The following TEAD1 variants were observed in gnomAD, a reference collection of about 807,000 sequenced individuals.
TEAD1 encodes the protein TEA domain transcription factor 1.
Under a neutral mutation model 54.9 loss-of-function variants are expected in TEAD1, and 9 were observed. The observed-to-expected ratio is 0.16, with a 90% CI of 0.10 to 0.29. The LOEUF is 0.29. Ranked by LOEUF, TEAD1 falls within the 10% of genes least tolerant of loss-of-function variation. The pLI is 1.00. For missense variants in TEAD1, 387 were observed against 535.9 expected (o/e 0.72, Z 2.74); for synonymous variants, 200 against 187.8 (o/e 1.07, Z -0.53).
At chr11:12,728,583 C>T (rs756635787) in intron 2 of TEAD1, among the ~76,000 whole-genome samples, 20 of 152,158 alleles carry the variant, frequency 1.3e-4, no homozygotes, top group Admixed American at 2.0e-4. Context: ...GAGATAGCAT[C>T]TGATACTCAT....
chr11:12,883,118 C>T lies in TEAD1; in HGVS notation c.692C>T (p.Pro231Leu). Residue 231 changes from proline to leucine, a missense_variant, in exon 9 of 13, where the codon CCA (proline) becomes CTA (leucine). Pro to Leu is a moderately conservative substitution (Grantham distance 98). Coordinates refer to ENST00000527636, the MANE Select transcript of TEAD1 (RefSeq NM_021961.6). ...GCTTTTCTCGAGCAGCAGCGAGACCCAGACTCGGTGAGTGTGCCCAGAGAG... is the reference window on the plus strand; with the variant it reads ...GCTTTTCTCGAGCAGCAGCGAGACCTAGACTCGGTGAGTGTGCCCAGAGAG... 6.2e-7 allele frequency: 1 copy of T among 1,614,206 alleles called. No homozygotes were observed. The highest frequency in any genetic ancestry group is 8.5e-7 in the Non-Finnish European group (1 of 1,180,048).
intron 2 of TEAD1, among the ~76,000 whole-genome samples, chr11:12,729,369 G>T (rs1301345262): frequency 6.6e-6 from 1 of 152,194 alleles, no homozygotes; most frequent in African/African-American, 2.4e-5. Flanking sequence ...GTGGATCTGG[G>T]ACAGTGTCTA....
chr11:12,839,190 C>T (rs957399801), intron 3 of TEAD1, among the ~76,000 whole-genome samples: 1 of 151,786 alleles, frequency 6.6e-6, no homozygotes, highest in African/African-American at 2.4e-5. Context: ...GCCAGTGGAT[C>T]ACCTGAGGTC....
At chr11:12,795,451 T>C (rs1011015347) in intron 3 of TEAD1, among the ~76,000 whole-genome samples, 2 of 152,218 alleles carry the variant, frequency 1.3e-5, no homozygotes, top group African/African-American at 4.8e-5. Flanking sequence ...TCATGTTGCA[T>C]ACATGGGTGC....
intron 2 of TEAD1, among the ~76,000 whole-genome samples, chr11:12,693,548 T>C (rs1006156300): frequency 7.2e-5 from 11 of 152,354 alleles, no homozygotes; most frequent in East Asian, 5.8e-4. Flanking sequence ...CCACCTGTTA[T>C]CCACTTTTGG....
At chr11:12,771,584 G>A (rs1414481476) in intron 3 of TEAD1, among the ~76,000 whole-genome samples, 1 of 152,202 alleles carries the variant, frequency 6.6e-6, no homozygotes, top group Non-Finnish European at 1.5e-5. Context: ...GGAGAAGCAG[G>A]TTTGTAGAGA....
At chr11:12,936,477 A>C (rs1949101395) in intron 12 of TEAD1, among the ~76,000 whole-genome samples, 1 of 152,158 alleles carries the variant, frequency 6.6e-6, no homozygotes, top group South Asian at 2.1e-4. Context: ...TGAGGGAGGC[A>C]CTCCTGCAGC....
chr11:12,708,135 G>T (rs1467040349), intron 2 of TEAD1, among the ~76,000 whole-genome samples: 2 of 151,790 alleles, frequency 1.3e-5, no homozygotes, highest in Admixed American at 6.5e-5. Flanking sequence ...CTCACTCACA[G>T]GTGTCTCGGT....
chr11:12,753,003 G>A (rs1944907546), intron 2 of TEAD1, among the ~76,000 whole-genome samples: 1 of 150,650 alleles, frequency 6.6e-6, no homozygotes, highest in Non-Finnish European at 1.5e-5. Flanking sequence ...CCAACACCCA[G>A]CTAATTTTTT....
intron 10 of TEAD1, among the ~76,000 whole-genome samples, chr11:12,919,737 C>A (rs561334909): frequency 9.9e-5 from 15 of 152,208 alleles, no homozygotes; most frequent in African/African-American, 3.6e-4. Flanking sequence ...TGGGCTCAAG[C>A]AATCCTCCTG....
At position 12,937,795 on chromosome 11, in the gene TEAD1, CTTTT is replaced by C. The variant is rs905683372; in HGVS notation, c.*579_*582del. 3.3e-5 allele frequency: 5 copies of C among 151,264 alleles called. No homozygotes were observed. Among genetic ancestry groups the C allele is most frequent in the African/African-American group, 4.9e-5 (2 of 41,002 alleles). The allele number at this position is 151,264 out of a possible 1,614,324, so 9.4% of individuals were successfully genotyped here. On this transcript the variant is annotated 3_prime_UTR_variant, in exon 13 of 13. Coordinates refer to ENST00000527636, the MANE Select transcript of TEAD1 (RefSeq NM_021961.6). ...CACTAAATTATTTTTTAAATGAAAC[CTTTT>C]TTTTTCTTTTTGAAACCAAATGTTA...
intron 5 of TEAD1, among the ~76,000 whole-genome samples, chr11:12,868,586 A>G (rs895392016): frequency 6.6e-6 from 1 of 152,194 alleles, no homozygotes; most frequent in East Asian, 1.9e-4. Context: ...GCTTCTACTA[A>G]TTGGCAGTTG....
chr11:12,764,528 G>A, intron 3 of TEAD1, 94 bp downstream of exon 3: 3 of 1,417,676 alleles, frequency 2.1e-6, no homozygotes, highest in Non-Finnish European at 3.0e-6. Flanking sequence ...GCTGTTCATT[G>A]TATGGGGTTG....
At chr11:12,677,974 A>G (rs1943133268) in intron 2 of TEAD1, among the ~76,000 whole-genome samples, 1 of 152,218 alleles carries the variant, frequency 6.6e-6, no homozygotes, top group Non-Finnish European at 1.5e-5. Flanking sequence ...TGTATGTATG[A>G]TCTGGTGGAC....
At chr11:12,691,635 T>C (rs1468960693) in intron 2 of TEAD1, among the ~76,000 whole-genome samples, 1 of 152,218 alleles carries the variant, frequency 6.6e-6, no homozygotes, top group East Asian at 1.9e-4. Flanking sequence ...ACTGAAGAAT[T>C]ACCATGGATG....
intron 3 of TEAD1, among the ~76,000 whole-genome samples, chr11:12,843,452 C>CA (rs1188424410): frequency 6.6e-6 from 1 of 152,192 alleles, no homozygotes; most frequent in Non-Finnish European, 1.5e-5. Context: ...TGTTTATAGT[C>CA]AGCTACGAAG....
At chr11:12,752,252 T>A (rs535312656) in intron 2 of TEAD1, among the ~76,000 whole-genome samples, 116 of 151,530 alleles carry the variant, frequency 7.7e-4, no homozygotes, top group South Asian at 2.1e-3. Context: ...TCTTTTTTTT[T>A]AAAATAATTT....
intron 3 of TEAD1, among the ~76,000 whole-genome samples, chr11:12,819,890 C>A (rs1436146053): frequency 1.3e-5 from 2 of 152,104 alleles, no homozygotes; most frequent in South Asian, 4.2e-4. Context: ...AGACTTGGAG[C>A]CTTTTTCTTT....
chr11:12,924,818 C>A, intron 10 of TEAD1, 94 bp from the exon 11 acceptor site: 1 of 1,465,536 alleles, frequency 6.8e-7, no homozygotes, highest in Non-Finnish European at 9.6e-7. Context: ...CCTCTTCATT[C>A]AGCCAAGCAG....
Sources: allele counts gnomAD v4.1 joint callset (sites outside exome capture counted in the v4.1 genomes callset), GRCh38; gene constraint gnomAD v4.1.1; transcripts MANE v1.5; gene names NCBI Gene and HGNC (gene_info 2026-07-23, HGNC 2026-07-21).